The following POMC variants were observed in gnomAD, a reference collection of about 807,000 sequenced individuals.
POMC encodes the protein proopiomelanocortin, also known as pro-opiomelanocortin.
A neutral mutation model predicts 18.5 loss-of-function variants in POMC; 19 were observed. That is an observed-to-expected ratio of 1.03 (90% CI 0.72 to 1.51). The LOEUF (loss-of-function observed/expected upper bound fraction) is 1.51, where lower values mean the gene tolerates loss of function less well. POMC is among the 40% of genes most tolerant of loss of function. The probability of loss-of-function intolerance (pLI) is 0.00; values close to 1 mark genes in which losing one functional copy is unlikely to be tolerated. For missense variants in POMC, 451 were observed against 379.0 expected (o/e 1.19, Z -1.58); for synonymous variants, 179 against 161.9 (o/e 1.11, Z -0.80).
Position 25,161,165 on chromosome 2 carries a change from G to GA in POMC, c.719dup (p.Met241HisfsTer74), listed in dbSNP as rs1671338263. ...GCGTCTGGCTCTTCTCGGAGGTCAT[G>GA]AAACCGCCGTAGCGCTTGTCCTTGG... On this transcript the variant is annotated frameshift_variant, in exon 3 of 3. Coordinates refer to ENST00000395826, the MANE Select transcript of POMC (RefSeq NM_000939.4). LOFTEE classifies it high-confidence loss of function. The surrounding 1 kb of genome is among the most constrained non-coding windows in gnomAD (Gnocchi z 5.7). The GA allele has an allele frequency of 6.2e-7, 1 of 1,613,920 alleles. No homozygotes were observed. The highest frequency in any genetic ancestry group is 8.5e-7 in the Non-Finnish European group (1 of 1,179,984).
At position 25,161,493 on chromosome 2, in the gene POMC, C is replaced by A; in HGVS notation, c.392G>T (p.Gly131Val). ...GTAGGAGCGCTTGCCCTCGCGCGGG[C>A]CCGGCTTGGCACCATCGCTGCGGGG... ...PEPRSDGAKP[G>V]PREGKRSYSM... Residue 131 changes from glycine (G) to valine (V), a missense_variant, in exon 3 of 3, where the codon GGC (glycine) becomes GTC (valine). Gly to Val is a moderately radical substitution (Grantham distance 109). Coordinates refer to ENST00000395826, the MANE Select transcript of POMC (RefSeq NM_000939.4). The surrounding 1 kb of genome is among the most constrained non-coding windows in gnomAD (Gnocchi z 5.7). The A allele has an allele frequency of 6.2e-7, 1 of 1,604,596 alleles. No individual in the cohort carries two copies. Among genetic ancestry groups the A allele is most frequent in the South Asian group, 1.1e-5 (1 of 89,800 alleles).
rs766183863 is a variant in POMC, at chr2:25,164,762, G to C, written c.11C>G (p.Ser4Trp). Reference protein sequence around the residue: MPRSCCSRSGALLL... With the variant: MPRWCCSRSGALLL... ...CAGGGCCCCCGAGCGGCTGCAGCAC[G>C]ATCTCGGCATCTTCCAGGCAGGCTG... Residue 4 changes from serine to tryptophan, a missense_variant, in exon 2 of 3, where the codon TCG becomes TGG. By Grantham distance (177) the Ser-to-Trp change is radical (BLOSUM62 -3). Transcript: ENST00000395826. The C allele has an allele frequency of 1.2e-6, 2 of 1,613,786 alleles. No homozygotes were observed. Among genetic ancestry groups the C allele is most frequent in the Non-Finnish European group, 1.7e-6 (2 of 1,180,050 alleles).
In POMC at chr2:25,164,809, G is replaced by A; in HGVS notation, c.-20-17C>T. The A allele has an allele frequency of 6.2e-7, 1 of 1,612,386 alleles. No homozygotes were observed. The highest frequency in any genetic ancestry group is 8.5e-7 in the Non-Finnish European group (1 of 1,179,868). ...GCTGAGGCTCTGCAGAAGCAAACAA[G>A]ATTGGTGGGACCCCTGCAAGGAGCA... is the stretch of plus-strand genomic sequence containing the variant. On this transcript the variant is annotated splice_polypyrimidine_tract_variant and intron_variant, in intron 1 of 2. Transcript: ENST00000395826.
chr2:25,164,740 G>C lies in POMC; in HGVS notation c.33C>G (p.Ala11=). 6.2e-7 allele frequency: 1 copy of C among 1,614,126 alleles called. No homozygotes were observed. The highest frequency in any genetic ancestry group is 8.5e-7 in the Non-Finnish European group (1 of 1,180,050). Residue 11 remains alanine (A), a synonymous_variant, in exon 2 of 3, where the codon GCC becomes GCG. Transcript: ENST00000395826. MPRSCCSRSG[A]LLLALLLQAS... ...CCTGAAGCAGCAAGGCCAGCAACAG[G>C]GCCCCCGAGCGGCTGCAGCACGATC...
chr2:25,162,011 C>A (rs1200874945), intron 2 of POMC, among the ~76,000 whole-genome samples: 1 of 152,244 alleles, frequency 6.6e-6, no homozygotes, highest in Non-Finnish European at 1.5e-5. Flanking sequence ...GCAACTGCAA[C>A]ACACTTCCCA....
At chr2:25,164,848 C>T in intron 1 of POMC, 56 bp from the exon 2 acceptor site, 1 of 1,594,206 alleles carries the variant, frequency 6.3e-7, no homozygotes, top group Non-Finnish European at 8.6e-7. Flanking sequence ...CAATGTTGGC[C>T]ACTCACCAGG....
chr2:25,161,950 T>C lies in POMC; in HGVS notation c.133-198A>G, dbSNP rs2149220375. Among the ~76,000 whole-genome samples the C allele has an allele frequency of 6.6e-6, 1 of 152,324 alleles. No individual in the cohort carries two copies. Among genetic ancestry groups the C allele is most frequent in the South Asian group, 2.1e-4 (1 of 4,824 alleles). ...TGCTTTCTTGGCACTCGTGGGCATC[T>C]AAGATCTTGCCACTGCCTCTTTTGT... On this transcript the variant is annotated intron_variant, in intron 2 of 2. Coordinates refer to ENST00000395826, the MANE Select transcript of POMC (RefSeq NM_000939.4). The surrounding 1 kb of genome is among the most constrained non-coding windows in gnomAD (Gnocchi z 5.7).
chr2:25,161,508 T>C lies in POMC; in HGVS notation c.377A>G (p.Asp126Gly). Reference protein sequence around the residue: ...LPEGGPEPRSDGAKPGPREGK... With the variant: ...LPEGGPEPRSGGAKPGPREGK... ...CTCGCGCGGGCCCGGCTTGGCACCA[T>C]CGCTGCGGGGCTCGGGGCCGCCCTC... is the stretch of plus-strand genomic sequence containing the variant. Residue 126 changes from aspartate (D) to glycine (G), a missense_variant, in exon 3 of 3, where the codon GAT becomes GGT. Physicochemically the swap from Asp to Gly is moderately conservative, Grantham distance 94. Coordinates refer to ENST00000395826, the MANE Select transcript of POMC (RefSeq NM_000939.4). This position sits in a 1 kb window ranked among gnomAD's most constrained non-coding sequence, Gnocchi z 5.7. 6.3e-7 allele frequency: 1 copy of C among 1,599,048 alleles called. No homozygotes were observed. The highest frequency in any genetic ancestry group is 1.7e-5 in the Admixed American group (1 of 58,740).
rs764059763 is a variant in POMC at position 25,161,786 on chromosome 2, G to A, written c.133-34C>T. ...AGACGCGAGGGCATGAGGGCAGCCC[G>A]TGCCCCGCACCCCGGCCCGGCTGCC... On this transcript the variant is annotated intron_variant, in intron 2 of 2. Coordinates refer to ENST00000395826, the MANE Select transcript of POMC (RefSeq NM_000939.4). This position sits in a 1 kb window ranked among gnomAD's most constrained non-coding sequence, Gnocchi z 5.7. 3.0e-5 allele frequency: 47 copies of A among 1,559,486 alleles called. No individual in the cohort carries two copies. The highest frequency in any genetic ancestry group is 3.3e-5 in the Non-Finnish European group (38 of 1,154,398).
Position 25,164,750 on chromosome 2 carries a change from C to T in POMC, c.23G>A (p.Arg8His), listed in dbSNP as rs146551109. The change falls in exon 2 of 3, where the codon CGC becomes CAC. Residue 8 changes from arginine (R) to histidine (H), a missense_variant. Arg to His is a conservative substitution (Grantham distance 29). Transcript: ENST00000395826. MPRSCCSRSGALLLALLL... is the reference protein window; with the variant it reads MPRSCCSHSGALLLALLL... ...CAAGGCCAGCAACAGGGCCCCCGAG[C>T]GGCTGCAGCACGATCTCGGCATCTT... 40 of 1,614,024 alleles carry T rather than the reference C, an allele frequency of 2.5e-5. No homozygotes were observed. Among genetic ancestry groups the T allele is most frequent in the South Asian group, 9.9e-5 (9 of 91,080 alleles).
chr2:25,162,660 G>A (rs1671432072), intron 2 of POMC, among the ~76,000 whole-genome samples: 1 of 151,894 alleles, frequency 6.6e-6, no homozygotes, highest in Non-Finnish European at 1.5e-5. Context: ...AGTGAGGGGA[G>A]ATCGCGCCAC....
intron 1 of POMC, among the ~76,000 whole-genome samples, chr2:25,165,856 C>T (rs936528716): frequency 1.3e-5 from 2 of 152,182 alleles, no homozygotes; most frequent in Admixed American, 6.5e-5. Context: ...ATCAGCTCAC[C>T]GCCAACCCTA....
At chr2:25,167,668 G>A (rs544526122) in intron 1 of POMC, among the ~76,000 whole-genome samples, 2 of 152,168 alleles carry the variant, frequency 1.3e-5, no homozygotes, top group African/African-American at 4.8e-5. Context: ...GCCACCTCGG[G>A]TGCGCTAAGG....
At chr2:25,165,559 C>T (rs758030013) in intron 1 of POMC, 2 of 152,330 alleles carry the variant, frequency 1.3e-5, no homozygotes, top group South Asian at 4.1e-4. Context: ...TTCTCTAGAG[C>T]TCTCAAATGT....
chr2:25,164,648 T>C lies in POMC; in HGVS notation c.125A>G (p.Asn42Ser), dbSNP rs774861632. The C allele has an allele frequency of 8.1e-6, 13 of 1,614,078 alleles. No homozygotes were observed. Among genetic ancestry groups the C allele is most frequent in the Admixed American group, 1.7e-5 (1 of 60,014 alleles). The change falls in exon 2 of 3, where the codon AAC becomes AGC. Residue 42 changes from asparagine to serine, a missense_variant. Transcript: ENST00000395826. ...CAGTCATGGCCCACGTACCAGCAGG[T>C]TGCTTTCCGTGGTGAGGTCCTGACA... ...SQCQDLTTES[N>S]LLECIRACKP...
rs1671409831 is a variant in POMC, at chr2:25,161,966, C to A, written c.133-214G>T. Among the ~76,000 whole-genome samples, 1 of 152,216 alleles carries A rather than the reference C, an allele frequency of 6.6e-6. No individual in the cohort carries two copies. The highest frequency in any genetic ancestry group is 1.5e-5 in the Non-Finnish European group (1 of 68,030). On this transcript the variant is annotated intron_variant, in intron 2 of 2. Coordinates refer to ENST00000395826, the MANE Select transcript of POMC (RefSeq NM_000939.4). The surrounding 1 kb of genome is among the most constrained non-coding windows in gnomAD (Gnocchi z 5.7). ...GTGGGCATCTAAGATCTTGCCACTG[C>A]CTCTTTTGTCCCATCCCCTTCATGC...
Position 25,168,269 on chromosome 2 carries a change from C to T in POMC, c.-21+229G>A, listed in dbSNP as rs1671625199. Among the ~76,000 whole-genome samples, 1 of 152,238 alleles carries T rather than the reference C, an allele frequency of 6.6e-6. No individual in the cohort carries two copies. On this transcript the variant is annotated intron_variant, in intron 1 of 2. Transcript: ENST00000395826. The surrounding 1 kb of genome is among the most constrained non-coding windows in gnomAD (Gnocchi z 5.2). ...GCCGCCGGCTCCCTGGAGACAGCGC[C>T]TGCAGCTTCGCGGCCGTCCGCCCAG...
rs1360000573 is a variant in POMC at position 25,161,320 on chromosome 2, C to A, written c.565G>T (p.Asp189Tyr). The change falls in exon 3 of 3, where the codon GAT (aspartate) becomes TAT (tyrosine). Residue 189 changes from aspartate to tyrosine, a missense_variant. By Grantham distance (160) the Asp-to-Tyr change is radical. Coordinates refer to ENST00000395826, the MANE Select transcript of POMC (RefSeq NM_000939.4). The surrounding 1 kb of genome is among the most constrained non-coding windows in gnomAD (Gnocchi z 5.7). ...TCATCGGCAGGGCCGTCGGGGCCAT[C>A]TCCCTCCCGGAGTCGCTGGCCAGTC... ...ELTGQRLREGDGPDGPADDGA... is the reference protein window; with the variant it reads ...ELTGQRLREGYGPDGPADDGA... 6.2e-7 allele frequency: 1 copy of A among 1,607,514 alleles called. No individual in the cohort carries two copies. The highest frequency in any genetic ancestry group is 8.5e-7 in the Non-Finnish European group (1 of 1,177,486).
At chr2:25,163,207 G>GA (rs1295755883) in intron 2 of POMC, among the ~76,000 whole-genome samples, 1 of 152,196 alleles carries the variant, frequency 6.6e-6, no homozygotes, top group East Asian at 1.9e-4. Flanking sequence ...GTTAACAATG[G>GA]AAAAAACTAA....
Sources: gnomAD v4.1 joint callset for allele counts (sites outside exome capture counted in the v4.1 genomes callset) on GRCh38, gnomAD v4.1.1 for gene constraint, Gnocchi (gnomAD v3.1) non-coding constraint, MANE v1.5 for transcripts, NCBI Gene and HGNC (gene_info 2026-07-23, HGNC 2026-07-21) for gene names.